ARHGAP6: variants seen among roughly 807,000 people sequenced by gnomAD.
ARHGAP6 encodes the protein rho GTPase-activating protein 6.
ARHGAP6 carries 16 observed loss-of-function variants against 55.7 expected under a neutral mutation model. The ratio of observed to expected loss-of-function variants is 0.29; its 90% CI spans 0.19 to 0.44. The LOEUF is 0.44. Ranked by LOEUF, ARHGAP6 falls within the 20% of genes least tolerant of loss-of-function variation. The pLI, the probability that ARHGAP6 is intolerant of heterozygous loss-of-function variation, is 1.00. For missense variants in ARHGAP6, 698 were observed against 808.9 expected, an observed-to-expected ratio of 0.86 and a Z score of 1.66; for synonymous variants, 382 against 360.9, an observed-to-expected ratio of 1.06 and a Z score of -0.66.
chrX:11,301,149 G>A (rs779087147), intron 1 of ARHGAP6, among the ~76,000 whole-genome samples: 23 of 100,648 alleles, frequency 2.3e-4, no homozygotes, highest in Middle Eastern at 4.7e-3. Flanking sequence ...CACCACACTG[G>A]CAATCAAAAT....
intron 1 of ARHGAP6, among the ~76,000 whole-genome samples, chrX:11,621,130 CAGAG>C (rs943278621): frequency 5.4e-5 from 6 of 111,205 alleles, no homozygotes; most frequent in African/African-American, 2.0e-4. Context: ...GAAGCTCATA[CAGAG>C]AGAGAAAGTG....
intron 9 of ARHGAP6, among the ~76,000 whole-genome samples, chrX:11,157,723 G>T (rs1038739612): frequency 2.7e-5 from 3 of 112,562 alleles, no homozygotes. Context: ...GTTGGTGGAA[G>T]AATTTGCTTC....
intron 1 of ARHGAP6, among the ~76,000 whole-genome samples, chrX:11,304,310 G>C (rs1167732304): frequency 9.1e-6 from 1 of 110,303 alleles, no homozygotes; most frequent in Non-Finnish European, 1.9e-5. Flanking sequence ...GGCTGGTCTT[G>C]AACTCCTGAC....
At chrX:11,370,970 C>T (rs1450411280) in intron 1 of ARHGAP6, among the ~76,000 whole-genome samples, 3 of 111,916 alleles carry the variant, frequency 2.7e-5, no homozygotes, top group Non-Finnish European at 5.6e-5. Context: ...ACTGGAGGGC[C>T]TACTTATAGA....
chrX:11,533,678 A>G (rs144575536), intron 1 of ARHGAP6, among the ~76,000 whole-genome samples: 1,163 of 112,182 alleles, frequency 0.01, 5 homozygotes, highest in Admixed American at 0.015. Context: ...AAATTGCATA[A>G]ACATGTTTTA....
chrX:11,554,592 A>G (rs965869016), intron 1 of ARHGAP6, among the ~76,000 whole-genome samples: 1 of 112,112 alleles, frequency 8.9e-6, no homozygotes, highest in Non-Finnish European at 1.9e-5. Context: ...GTCAATTTTA[A>G]AAAAGAATCA....
intron 1 of ARHGAP6, among the ~76,000 whole-genome samples, chrX:11,329,121 C>T (rs1036334161): frequency 1.2e-4 from 13 of 111,878 alleles, no homozygotes; most frequent in African/African-American, 4.2e-4. Context: ...TACACAAGAA[C>T]GAATTTCAAA....
chrX:11,338,971 A>C (rs913437899), intron 1 of ARHGAP6, among the ~76,000 whole-genome samples: 2 of 111,230 alleles, frequency 1.8e-5, no homozygotes, highest in African/African-American at 6.6e-5. Context: ...AAATGCTGGC[A>C]CTCCTCATGG....
chrX:11,576,833 A>T (rs1020487086), intron 1 of ARHGAP6, among the ~76,000 whole-genome samples: 42 of 110,706 alleles, frequency 3.8e-4, no homozygotes, highest in South Asian at 1.1e-3. Context: ...TCAAACCAAG[A>T]GGCAGAGTTG....
intron 1 of ARHGAP6, among the ~76,000 whole-genome samples, chrX:11,404,528 C>T (rs1392990189): frequency 8.9e-6 from 1 of 111,991 alleles, no homozygotes; most frequent in East Asian, 2.8e-4. Flanking sequence ...GAAAGTATCA[C>T]TGTCTGCCAA....
intron 1 of ARHGAP6, among the ~76,000 whole-genome samples, chrX:11,496,125 A>G (rs1245598107): frequency 8.9e-6 from 1 of 112,626 alleles, no homozygotes; most frequent in Non-Finnish European, 1.9e-5. Context: ...GAAATCAGCT[A>G]AACTGTGTCT....
chrX:11,169,399 G>C, intron 9 of ARHGAP6, 106 bp downstream of exon 9: 1 of 755,182 alleles, frequency 1.3e-6, no homozygotes, highest in Non-Finnish European at 1.8e-6. Flanking sequence ...TGAATTCAGT[G>C]AGCAGCACTG....
At chrX:11,654,089 G>A (rs2052613720) in intron 1 of ARHGAP6, among the ~76,000 whole-genome samples, 1 of 111,634 alleles carries the variant, frequency 9.0e-6, no homozygotes. Flanking sequence ...GCCCAGTCCA[G>A]GATTTCCCTG....
At chrX:11,512,435 G>A (rs2050794358) in intron 1 of ARHGAP6, among the ~76,000 whole-genome samples, 1 of 111,233 alleles carries the variant, frequency 9.0e-6, no homozygotes, top group Admixed American at 9.6e-5. Context: ...TCTTACTGAT[G>A]GAGCCTATTA....
intron 1 of ARHGAP6, among the ~76,000 whole-genome samples, chrX:11,347,295 T>A (rs2048801867): frequency 8.9e-6 from 1 of 112,347 alleles, no homozygotes; most frequent in Non-Finnish European, 1.9e-5. Flanking sequence ...AAGTAAAAGC[T>A]TATTTTTAGT....
chrX:11,575,069 C>T (rs1425881904), intron 1 of ARHGAP6, among the ~76,000 whole-genome samples: 1 of 111,960 alleles, frequency 8.9e-6, no homozygotes, highest in Non-Finnish European at 1.9e-5. Flanking sequence ...CACACTTCCT[C>T]ACCTCCCTTG....
At position 11,662,611 on chromosome X, in the gene ARHGAP6, A is replaced by G. The variant is rs181195735; in HGVS notation, c.588+1630T>C. ...TCCATTAATTATGAGATGCTAATGG[A>G]TAAGAAGATAATTTGCAACAAGTGA... On this transcript the variant is annotated intron_variant, in intron 1 of 12. Transcript: ENST00000337414. 4.6e-4 allele frequency among the ~76,000 whole-genome samples: 52 copies of G among 112,607 alleles called. No homozygotes were observed. The East Asian group carries it at 0.012, about 27-fold the overall frequency.
At chrX:11,390,301 C>T (rs1337553700) in intron 1 of ARHGAP6, among the ~76,000 whole-genome samples, 2 of 111,262 alleles carry the variant, frequency 1.8e-5, no homozygotes, top group Non-Finnish European at 3.8e-5. Flanking sequence ...TGTTTTGGTA[C>T]CAGTACCATG....
intron 1 of ARHGAP6, among the ~76,000 whole-genome samples, chrX:11,269,651 A>G (rs1209812688): frequency 9.0e-6 from 1 of 111,617 alleles, no homozygotes; most frequent in Non-Finnish European, 1.9e-5. Flanking sequence ...ATTGTGAGAG[A>G]CATTTTAGTT....
Sources: gnomAD v4.1 joint callset for allele counts (sites outside exome capture counted in the v4.1 genomes callset) on GRCh38, gnomAD v4.1.1 for gene constraint, MANE v1.5 for transcripts, NCBI Gene and HGNC (gene_info 2026-07-23, HGNC 2026-07-21) for gene names.